The following CACUL1 variants were observed in gnomAD, a reference collection of about 807,000 sequenced individuals.
CACUL1 encodes CDK2-associated and cullin domain-containing protein 1.
In CACUL1, 13 loss-of-function variants were observed where a neutral mutation model predicts 45.2. That is an observed-to-expected ratio of 0.29 (90% CI 0.19 to 0.46). CACUL1 has a LOEUF of 0.46. Ranked by LOEUF, CACUL1 falls within the 20% of genes least tolerant of loss-of-function variation. The probability of loss-of-function intolerance (pLI) is 1.00; values close to 1 mark genes in which losing one functional copy is unlikely to be tolerated. For missense variants in CACUL1, 421 were observed against 471.4 expected, an observed-to-expected ratio of 0.89 and a Z score of 0.99; for synonymous variants, 197 against 174.2, an observed-to-expected ratio of 1.13 and a Z score of -1.03.
intron 1 of CACUL1, among the ~76,000 whole-genome samples, chr10:118,737,091 A>G (rs1248753343): frequency 6.6e-6 from 1 of 151,972 alleles, no homozygotes; most frequent in Non-Finnish European, 1.5e-5. Context: ...GTTGTTAAGC[A>G]AAGCATGACA....
chr10:118,735,422 T>C (rs1174862028), intron 1 of CACUL1, among the ~76,000 whole-genome samples: 1 of 152,218 alleles, frequency 6.6e-6, no homozygotes, highest in Non-Finnish European at 1.5e-5. Flanking sequence ...CAGCATCACC[T>C]GGAAACTTGT....
chr10:118,732,561 C>T (rs1322200144), intron 1 of CACUL1, among the ~76,000 whole-genome samples: 2 of 152,138 alleles, frequency 1.3e-5, no homozygotes, highest in Non-Finnish European at 2.9e-5. Context: ...AAGCAGCCTT[C>T]AACCAATGAC....
At chr10:118,707,819 C>T (rs780338093) in intron 3 of CACUL1, among the ~76,000 whole-genome samples, 14 of 151,982 alleles carry the variant, frequency 9.2e-5, no homozygotes, top group African/African-American at 3.4e-4. Context: ...AACCTCAACA[C>T]GTTAATTAAA....
At chr10:118,741,179 ATG>A (rs1163804559) in intron 1 of CACUL1, among the ~76,000 whole-genome samples, 1 of 152,064 alleles carries the variant, frequency 6.6e-6, no homozygotes, top group Admixed American at 6.6e-5. Flanking sequence ...CACTGATTTT[ATG>A]TGTCTTTTTG....
At chr10:118,714,843 T>C (rs11198575) in intron 3 of CACUL1, among the ~76,000 whole-genome samples, 1,714 of 152,324 alleles carry the variant, frequency 0.011, 17 homozygotes, top group Middle Eastern at 0.027. Context: ...CCCGCAAGCA[T>C]GTGGAAATGA....
rs1021879289 is a variant in CACUL1, at chr10:118,680,243, C to T, written c.*5885G>A. 2 of 152,308 alleles carry T rather than the reference C, an allele frequency of 1.3e-5. No homozygotes were observed. The highest frequency in any genetic ancestry group is 2.4e-5 in the African/African-American group (1 of 41,550). 9.4% of individuals were successfully genotyped at this position (152,308 alleles called of 1,614,324 possible). A position where few individuals can be genotyped will look rare whatever the true frequency, so the allele number is the denominator to read the frequency against. On this transcript the variant is annotated 3_prime_UTR_variant, in exon 9 of 9. Transcript: ENST00000369151. The stretch of plus-strand genomic sequence containing the variant: ...TAAAATTCACACATATACACACACA[C>T]ACACAGAGCTGGTTCTAGTAGAAAA...
rs1190885098 is a variant in CACUL1, at chr10:118,708,194, A to T, written c.598-607T>A. Among the ~76,000 whole-genome samples the T allele has an allele frequency of 2.0e-5, 3 of 150,100 alleles. No individual in the cohort carries two copies. In the East Asian group the frequency reaches 5.9e-4, roughly 30 times the overall value. ...ATGCACTCAACGATAAATGATTTTTAAAAACTATTACTGAATTACATGGAT... is the reference window on the plus strand; with the variant it reads ...ATGCACTCAACGATAAATGATTTTTTAAAACTATTACTGAATTACATGGAT... On this transcript the variant is annotated intron_variant, in intron 3 of 8. Coordinates refer to ENST00000369151, the MANE Select transcript of CACUL1 (RefSeq NM_153810.5).
chr10:118,738,007 A>G (rs1006988464), intron 1 of CACUL1, among the ~76,000 whole-genome samples: 18 of 152,368 alleles, frequency 1.2e-4, no homozygotes, highest in Admixed American at 2.0e-4. Context: ...GGTCTATGAC[A>G]GTTTTAAAAT....
intron 4 of CACUL1, 22 bp from the exon 5 acceptor site, chr10:118,701,430 T>G (rs1314730760): frequency 7.2e-7 from 1 of 1,381,456 alleles, no homozygotes; most frequent in Non-Finnish European, 1.0e-6. Context: ...AATAAAATCT[T>G]TTTTTGTGTA....
chr10:118,750,427 G>A (rs1001116893), intron 1 of CACUL1, among the ~76,000 whole-genome samples: 11 of 152,066 alleles, frequency 7.2e-5, no homozygotes, highest in African/African-American at 2.2e-4. Flanking sequence ...GATTATCATC[G>A]ATCAAATCCA....
chr10:118,685,789 C>G lies in CACUL1; in HGVS notation c.*339G>C, dbSNP rs1305013539. The G allele has an allele frequency of 1.6e-5, 3 of 192,128 alleles. No individual in the cohort carries two copies. The highest frequency in any genetic ancestry group is 3.2e-5 in the Non-Finnish European group (3 of 94,452). The allele number at this position is 192,128 out of a possible 1,614,324, so 11.9% of individuals were successfully genotyped here. A position where few individuals can be genotyped will look rare whatever the true frequency, so the allele number is the denominator to read the frequency against. ...ACAAGTGCTTAAAAAAAAAATTCTT[C>G]TGCTCTTATATTTTTGGAGGAAGCT... On this transcript the variant is annotated 3_prime_UTR_variant, in exon 9 of 9. Coordinates refer to ENST00000369151, the MANE Select transcript of CACUL1 (RefSeq NM_153810.5).
At chr10:118,711,604 T>C (rs977788209) in intron 3 of CACUL1, among the ~76,000 whole-genome samples, 1 of 152,258 alleles carries the variant, frequency 6.6e-6, no homozygotes, top group Non-Finnish European at 1.5e-5. Context: ...TAAAATAATG[T>C]TGTTTTTACA....
Position 118,678,577 on chromosome 10 carries a change from G to A in CACUL1, c.*7551C>T, listed in dbSNP as rs916601306. The A allele has an allele frequency of 6.6e-6, 1 of 151,924 alleles. No homozygotes were observed. Among genetic ancestry groups the A allele is most frequent in the South Asian group, 2.1e-4 (1 of 4,820 alleles). 9.4% of individuals were successfully genotyped at this position (151,924 alleles called of 1,614,324 possible). A position where few individuals can be genotyped will look rare whatever the true frequency, so the allele number is the denominator to read the frequency against. Reference sequence around the variant, plus strand: ...AAAGTTGAGATTTAGATAATATTGAGTGTTATCCCTTATATTCTCTACACT... The same window carrying A: ...AAAGTTGAGATTTAGATAATATTGAATGTTATCCCTTATATTCTCTACACT... On this transcript the variant is annotated 3_prime_UTR_variant, in exon 9 of 9. Coordinates refer to ENST00000369151, the MANE Select transcript of CACUL1 (RefSeq NM_153810.5).
chr10:118,711,806 T>G (rs997413967), intron 3 of CACUL1, among the ~76,000 whole-genome samples: 48 of 152,174 alleles, frequency 3.2e-4, no homozygotes, highest in African/African-American at 1.1e-3. Context: ...AAAAGTATAT[T>G]TCATGTAGCC....
At chr10:118,718,625 G>A (rs1208251200) in intron 3 of CACUL1, among the ~76,000 whole-genome samples, 1 of 152,086 alleles carries the variant, frequency 6.6e-6, no homozygotes, top group African/African-American at 2.4e-5. Flanking sequence ...GCCCAGGCTG[G>A]AGTGCAGTGG....
In CACUL1 at chr10:118,754,933, G is replaced by A. The variant is rs944742491; in HGVS notation, c.-171C>T. 3 of 901,600 alleles carry A rather than the reference G, an allele frequency of 3.3e-6. No homozygotes were observed. The highest frequency in any genetic ancestry group is 3.5e-5 in the African/African-American group (2 of 56,566). 55.9% of individuals were successfully genotyped at this position (901,600 alleles called of 1,614,324 possible). A position where few individuals can be genotyped will look rare whatever the true frequency, so the allele number is the denominator to read the frequency against. The stretch of plus-strand genomic sequence containing the variant: ...CGCTCTCCGCGGGGCCGACTAGCTT[G>A]AAGACGCGGCTGACGGCGGTGGGCG... On this transcript the variant is annotated 5_prime_UTR_variant, in exon 1 of 9. Transcript: ENST00000369151.
chr10:118,679,221 G>T lies in CACUL1; in HGVS notation c.*6907C>A, dbSNP rs764497896. 2.6e-5 allele frequency: 4 copies of T among 151,710 alleles called. No homozygotes were observed. Among genetic ancestry groups the T allele is most frequent in the Non-Finnish European group, 5.9e-5 (4 of 67,960 alleles). The allele number at this position is 151,710 out of a possible 1,614,324, so 9.4% of individuals were successfully genotyped here. ...CGCCCAACTTTTTTTGTGTTTTTTTGAGACAGAGTCTCGCTCTGTTGCTCA... is the reference window on the plus strand; with the variant it reads ...CGCCCAACTTTTTTTGTGTTTTTTTTAGACAGAGTCTCGCTCTGTTGCTCA... On this transcript the variant is annotated 3_prime_UTR_variant, in exon 9 of 9. Transcript: ENST00000369151.
At chr10:118,726,825 T>C (rs1845655742) in intron 3 of CACUL1, among the ~76,000 whole-genome samples, 1 of 152,058 alleles carries the variant, frequency 6.6e-6, no homozygotes, top group African/African-American at 2.4e-5. Flanking sequence ...AGAAAATTTA[T>C]AAGATGATAT....
chr10:118,729,251 A>G, intron 3 of CACUL1, 44 bp downstream of exon 3: 1 of 1,352,532 alleles, frequency 7.4e-7, no homozygotes, highest in Non-Finnish European at 1.1e-6. Flanking sequence ...GCAACCAGTC[A>G]GGAAAACCCA....
Sources: allele counts gnomAD v4.1 joint callset (sites outside exome capture counted in the v4.1 genomes callset), GRCh38; gene constraint gnomAD v4.1.1; transcripts MANE v1.5; gene names NCBI Gene and HGNC (gene_info 2026-07-23, HGNC 2026-07-21).